Variants in FSTL5 observed in about 807,000 individuals in gnomAD.
The protein encoded by FSTL5 is follistatin like 5, also known as follistatin-related protein 5.
FSTL5 carries 62 observed loss-of-function variants against 89.1 expected under a neutral mutation model. The observed-to-expected ratio is 0.70, with a 90% CI of 0.57 to 0.86. The LOEUF is 0.86. Ranked by LOEUF, FSTL5 falls within the 40% of genes least tolerant of loss-of-function variation. The pLI, the probability that FSTL5 is intolerant of heterozygous loss-of-function variation, is 0.00. For missense variants in FSTL5, 1,057 were observed against 1,001.6 expected, an observed-to-expected ratio of 1.06 and a Z score of -0.75; for synonymous variants, 383 against 346.2, an observed-to-expected ratio of 1.11 and a Z score of -1.18.
chr4:162,111,287 A>T lies in FSTL5; in HGVS notation c.110T>A (p.Met37Lys). The T allele has an allele frequency of 1.9e-6, 3 of 1,601,074 alleles. No individual in the cohort carries two copies. The highest frequency in any genetic ancestry group is 2.6e-6 in the Non-Finnish European group (3 of 1,168,960). ...GYGLKSYQPL[M>K]RLRHKQEKNQ... ...TGACTGTACCTTATGTCGCAATCTC[A>T]TTAGAGGCTGATAGGATTTAAGGCC... The change falls in exon 2 of 16, where the codon ATG becomes AAG. Residue 37 changes from methionine (M) to lysine (K), a missense_variant. This residue lies in a region of FSTL5 where 980 missense variants were observed against 903.2 expected (regional missense o/e 1.08). Transcript: ENST00000306100.
intron 15 of FSTL5, among the ~76,000 whole-genome samples, chr4:161,446,239 C>T (rs1294658730): frequency 1.3e-5 from 2 of 151,872 alleles, no homozygotes; most frequent in East Asian, 1.9e-4. Flanking sequence ...ATTAATCTTG[C>T]TTTTATGGTC....
intron 7 of FSTL5, among the ~76,000 whole-genome samples, chr4:161,644,157 G>A (rs1033788621): frequency 5.3e-5 from 8 of 152,036 alleles, no homozygotes; most frequent in African/African-American, 1.9e-4. Flanking sequence ...ACTTTTGAAG[G>A]ACACACTGGA....
intron 6 of FSTL5, among the ~76,000 whole-genome samples, chr4:161,735,668 T>A (rs565644689): frequency 1.3e-5 from 2 of 152,284 alleles, no homozygotes; most frequent in Non-Finnish European, 2.9e-5. Context: ...AATACTTTCA[T>A]TTGTTATTAA....
At chr4:162,143,745 CACA>C (rs1287080585) in intron 1 of FSTL5, among the ~76,000 whole-genome samples, 990 of 60,186 alleles carry the variant, frequency 0.016, 15 homozygotes, top group African/African-American at 0.04. Context: ...CACACACACA[CACA>C]CCCAGGAAAA....
chr4:162,064,619 C>A (rs1219330184), intron 2 of FSTL5, among the ~76,000 whole-genome samples: 1 of 152,092 alleles, frequency 6.6e-6, no homozygotes, highest in East Asian at 1.9e-4. Flanking sequence ...CAGACTGGAA[C>A]TACAGACCAA....
At chr4:161,531,063 T>C (rs1731395644) in intron 10 of FSTL5, among the ~76,000 whole-genome samples, 3 of 152,304 alleles carry the variant, frequency 2.0e-5, no homozygotes, top group South Asian at 4.1e-4. Flanking sequence ...AAATCCTCCC[T>C]GTATGTCACT....
intron 10 of FSTL5, 34 bp downstream of exon 10, chr4:161,538,132 G>C: frequency 6.2e-7 from 1 of 1,600,040 alleles, no homozygotes. Flanking sequence ...GTTGAATATG[G>C]TGTGTGTGTG....
At chr4:162,012,815 C>T (rs1459608986) in intron 3 of FSTL5, among the ~76,000 whole-genome samples, 1 of 151,998 alleles carries the variant, frequency 6.6e-6, no homozygotes, top group African/African-American at 2.4e-5. Flanking sequence ...TTAAGTTTTT[C>T]ACCCCTTCCT....
intron 3 of FSTL5, among the ~76,000 whole-genome samples, chr4:161,931,881 T>C (rs1734295377): frequency 6.6e-6 from 1 of 151,890 alleles, no homozygotes. Context: ...AGATAAATAA[T>C]GGGCTATGGA....
At chr4:162,044,651 T>C (rs369196792) in intron 2 of FSTL5, among the ~76,000 whole-genome samples, 4 of 152,318 alleles carry the variant, frequency 2.6e-5, no homozygotes, top group South Asian at 2.1e-4. Flanking sequence ...TTTGTTTTCA[T>C]AGGAGGTTGT....
intron 7 of FSTL5, among the ~76,000 whole-genome samples, chr4:161,630,315 A>G (rs1273167449): frequency 6.6e-6 from 1 of 152,088 alleles, no homozygotes; most frequent in African/African-American, 2.4e-5. Context: ...ATATTTTCGT[A>G]CTAAATGATC....
chr4:161,861,934 T>C (rs1731930018), intron 4 of FSTL5, among the ~76,000 whole-genome samples: 1 of 152,208 alleles, frequency 6.6e-6, no homozygotes. Context: ...TAATGTAACA[T>C]CATTACTCTT....
At chr4:161,849,023 T>G (rs1731467369) in intron 4 of FSTL5, among the ~76,000 whole-genome samples, 1 of 152,182 alleles carries the variant, frequency 6.6e-6, no homozygotes, top group Non-Finnish European at 1.5e-5. Flanking sequence ...GGGAAAAGTA[T>G]TATGATCTAT....
Position 161,469,207 on chromosome 4 carries a change from T to G in FSTL5, c.1609-9888A>C, listed in dbSNP as rs149257825. Among the ~76,000 whole-genome samples the G allele has an allele frequency of 3.4e-3, 524 of 152,328 alleles. 3 individuals are homozygous for G. The highest frequency in any genetic ancestry group is 0.011 in the African/African-American group (473 of 41,570). ...TATTATGACTGGCTTATTTCACTTATCATAATGTCCTCAGATTACACCCAT... is the reference window on the plus strand; with the variant it reads ...TATTATGACTGGCTTATTTCACTTAGCATAATGTCCTCAGATTACACCCAT... On this transcript the variant is annotated intron_variant, in intron 13 of 15. Coordinates refer to ENST00000306100, the MANE Select transcript of FSTL5 (RefSeq NM_020116.5).
At chr4:161,704,175 T>A (rs565101548) in intron 6 of FSTL5, among the ~76,000 whole-genome samples, 3 of 152,110 alleles carry the variant, frequency 2.0e-5, no homozygotes, top group Admixed American at 2.0e-4. Flanking sequence ...AATCAGAAAC[T>A]CACAAAAGCC....
At chr4:162,103,903 G>A (rs1479068600) in intron 2 of FSTL5, among the ~76,000 whole-genome samples, 9 of 152,218 alleles carry the variant, frequency 5.9e-5, no homozygotes. Context: ...GAGCACAGCG[G>A]GAGAGACAAG....
chr4:161,809,564 C>A (rs1730077221), intron 4 of FSTL5, among the ~76,000 whole-genome samples: 1 of 152,194 alleles, frequency 6.6e-6, no homozygotes, highest in African/African-American at 2.4e-5. Flanking sequence ...TTATTCACAA[C>A]AGCCAGAGGA....
rs79906605 is a variant in FSTL5, at chr4:161,415,566, T to G, written c.1842-29117A>C. On this transcript the variant is annotated intron_variant, in intron 15 of 15. Transcript: ENST00000306100. ...CACCACGCTCGGCCGTCTCTTCACT[T>G]TTGAGCCCCACTTAGCTGCTTTGGC... is the stretch of plus-strand genomic sequence containing the variant. Among the ~76,000 whole-genome samples the G allele has an allele frequency of 3.4e-3, 524 of 152,054 alleles. 12 individuals carry two copies. In the East Asian group the frequency reaches 0.054, roughly 16 times the overall value.
At chr4:161,703,768 A>G (rs1738479933) in intron 6 of FSTL5, among the ~76,000 whole-genome samples, 1 of 152,112 alleles carries the variant, frequency 6.6e-6, no homozygotes, top group East Asian at 1.9e-4. Flanking sequence ...AAAATTTATT[A>G]ATTTTTCAGT....
Sources: allele counts gnomAD v4.1 joint callset (sites outside exome capture counted in the v4.1 genomes callset), GRCh38; gene constraint gnomAD v4.1.1; regional missense constraint gnomAD v4.1.1; transcripts MANE v1.5; gene names NCBI Gene and HGNC (gene_info 2026-07-23, HGNC 2026-07-21).